Variants in DAP3 observed in about 807,000 individuals in gnomAD.
DAP3 encodes the protein small ribosomal subunit protein mS29.
In DAP3, 28 loss-of-function variants were observed where a neutral mutation model predicts 51.9. The observed-to-expected ratio is 0.54, with a 90% CI of 0.40 to 0.74. The LOEUF (loss-of-function observed/expected upper bound fraction) is 0.74. Among genes scored for constraint, DAP3 ranks in the 30% least tolerant of loss-of-function variants. The pLI is 0.00. For missense variants in DAP3, 458 were observed against 483.5 expected (o/e 0.95, Z 0.49); for synonymous variants, 170 against 170.3 (o/e 1.00, Z 0.01).
chr1:155,705,663 TTC>T (rs1655882671), intron 1 of DAP3, among the ~76,000 whole-genome samples: 2 of 151,418 alleles, frequency 1.3e-5, no homozygotes, highest in South Asian at 4.2e-4. Flanking sequence ...ATTTATGTTA[TTC>T]TCTCTCTCTT....
intron 4 of DAP3, chr1:155,722,089 C>G (rs549420563): frequency 1.7e-5 from 3 of 172,338 alleles, no homozygotes; most frequent in African/African-American, 7.1e-5. Context: ...TGGTTTATTT[C>G]GGGAAATTAG....
chr1:155,735,109 A>G (rs1221066643), intron 11 of DAP3, among the ~76,000 whole-genome samples: 14 of 124,306 alleles, frequency 1.1e-4, no homozygotes, highest in African/African-American at 4.6e-4. Context: ...CCAAAAAATG[A>G]AAAAAAAAAA....
chr1:155,710,346 C>G (rs1187328156), intron 2 of DAP3: 1 of 152,166 alleles, frequency 6.6e-6, no homozygotes, highest in Admixed American at 6.6e-5. Flanking sequence ...ATTCTTCTGC[C>G]TCAGCCTCCC....
chr1:155,737,087 T>G, intron 12 of DAP3, 24 bp downstream of exon 12: 3 of 1,546,412 alleles, frequency 1.9e-6, no homozygotes, highest in Non-Finnish European at 2.7e-6. Flanking sequence ...TTTTTTCCTA[T>G]CAGGGCTTTG....
chr1:155,688,612 C>T (rs1392522162), upstream of DAP3: 15 of 1,534,994 alleles, frequency 9.8e-6, no homozygotes, highest in East Asian at 3.4e-4. Flanking sequence ...TCTCCACTCC[C>T]CCTCAGACCC....
chr1:155,722,698 C>G (rs1658142185), intron 4 of DAP3, among the ~76,000 whole-genome samples: 1 of 152,114 alleles, frequency 6.6e-6, no homozygotes, highest in Admixed American at 6.5e-5. Flanking sequence ...GCTTCGGAGG[C>G]TGAGGCAGGA....
chr1:155,699,113 C>T (rs1654871828), intron 1 of DAP3, among the ~76,000 whole-genome samples: 1 of 151,986 alleles, frequency 6.6e-6, no homozygotes, highest in South Asian at 2.1e-4. Flanking sequence ...TGCAAAAGGC[C>T]CAGAGTTCTG....
chr1:155,700,251 G>A (rs1342960946), intron 1 of DAP3, among the ~76,000 whole-genome samples: 1 of 152,186 alleles, frequency 6.6e-6, no homozygotes, highest in East Asian at 1.9e-4. Flanking sequence ...TGACTTTATT[G>A]TTAAGTTGTA....
At chr1:155,719,748 C>G (rs1197320968) in intron 3 of DAP3, among the ~76,000 whole-genome samples, 3 of 151,470 alleles carry the variant, frequency 2.0e-5, no homozygotes, top group East Asian at 2.0e-4. Flanking sequence ...AGGCTTTCAC[C>G]CTCTTGGCCA....
intron 12 of DAP3, among the ~76,000 whole-genome samples, chr1:155,737,766 A>G (rs1659956301): frequency 7.3e-6 from 1 of 136,438 alleles, no homozygotes; most frequent in African/African-American, 2.5e-5. Context: ...CTCTATTGAA[A>G]AAAGCAAAAA....
intron 9 of DAP3, among the ~76,000 whole-genome samples, chr1:155,729,960 AT>A (rs1260860659): frequency 6.6e-6 from 1 of 151,630 alleles, no homozygotes; most frequent in Non-Finnish European, 1.5e-5. Context: ...CATGACTGTA[AT>A]CCCAGTTACT....
intron 1 of DAP3, among the ~76,000 whole-genome samples, chr1:155,696,084 T>C (rs751482518): frequency 1.3e-5 from 2 of 152,212 alleles, no homozygotes; most frequent in Non-Finnish European, 2.9e-5. Context: ...AGTTTAACAA[T>C]TTGCATATGA....
intron 4 of DAP3, chr1:155,721,943 C>G: frequency 7.0e-6 from 3 of 426,304 alleles, no homozygotes; most frequent in Middle Eastern, 6.3e-4. Flanking sequence ...ATAGTACACT[C>G]CTGAGCTAAA....
At chr1:155,729,829 T>G (rs1056454638) in intron 9 of DAP3, among the ~76,000 whole-genome samples, 5 of 152,070 alleles carry the variant, frequency 3.3e-5, no homozygotes, top group Non-Finnish European at 7.3e-5. Flanking sequence ...ATGCCTGTAA[T>G]CCCAGCACTT....
At chr1:155,709,290 C>T (rs2149144433) in intron 1 of DAP3, among the ~76,000 whole-genome samples, 1 of 152,186 alleles carries the variant, frequency 6.6e-6, no homozygotes, top group Middle Eastern at 3.4e-3. Flanking sequence ...GGACTACAGG[C>T]ATGCACTACC....
At chr1:155,698,396 GTTC>G (rs1654789681) in intron 1 of DAP3, among the ~76,000 whole-genome samples, 1 of 152,154 alleles carries the variant, frequency 6.6e-6, no homozygotes, top group Non-Finnish European at 1.5e-5. Flanking sequence ...CACAATTTAT[GTTC>G]TTCTGCCATG....
Position 155,725,404 on chromosome 1 carries a change from G to A in DAP3, c.293G>A (p.Cys98Tyr), listed in dbSNP as rs755321949. 1.4e-5 allele frequency: 22 copies of A among 1,613,722 alleles called. No individual in the cohort carries two copies. In the South Asian group the frequency reaches 2.3e-4, roughly 17 times the overall value. The stretch of plus-strand genomic sequence containing the variant: ...CAGGTGAAGACATTCAGTGAAGCTT[G>A]CCTGATGGTAAGGAAACCAGCCCTA... ...VMQVKTFSEA[C>Y]LMVRKPALEL... is the part of the protein sequence containing the mutation. Residue 98 changes from cysteine to tyrosine, a missense_variant, in exon 5 of 13, where the codon TGC becomes TAC. Coordinates refer to ENST00000368336, the MANE Select transcript of DAP3 (RefSeq NM_004632.4).
Position 155,730,997 on chromosome 1 carries a change from C to G in DAP3, c.844-359C>G, listed in dbSNP as rs369594827. On this transcript the variant is annotated intron_variant, in intron 9 of 12. Coordinates refer to ENST00000368336, the MANE Select transcript of DAP3 (RefSeq NM_004632.4). ...TTAAAAAAATTGTTGTCACCAGGTGCAGTGGCTCATGCTTGTAATCCCAGC... is the reference window on the plus strand; with the variant it reads ...TTAAAAAAATTGTTGTCACCAGGTGGAGTGGCTCATGCTTGTAATCCCAGC... 9.9e-5 allele frequency among the ~76,000 whole-genome samples: 15 copies of G among 152,232 alleles called. 1 individual carries two copies. The East Asian group carries it at 1.9e-3, about 20-fold the overall frequency.
At chr1:155,736,784 C>T (rs889561493) in intron 11 of DAP3, 162 bp from the exon 12 acceptor site, 2 of 668,854 alleles carry the variant, frequency 3.0e-6, no homozygotes, top group African/African-American at 3.6e-5. Flanking sequence ...TATGTGGAGT[C>T]CATATGTGGA....
Sources: gnomAD v4.1 joint callset for allele counts (sites outside exome capture counted in the v4.1 genomes callset) on GRCh38, gnomAD v4.1.1 for gene constraint, MANE v1.5 for transcripts, NCBI Gene and HGNC (gene_info 2026-07-23, HGNC 2026-07-21) for gene names.